TRPM3: variants seen among roughly 807,000 people sequenced by gnomAD.
TRPM3 encodes the protein long transient receptor potential channel 3.
A neutral mutation model predicts 181.2 loss-of-function variants in TRPM3; 77 were observed. The observed-to-expected ratio is 0.42, with a 90% CI of 0.35 to 0.51. The LOEUF (loss-of-function observed/expected upper bound fraction) is 0.51. Ranked by LOEUF, TRPM3 falls within the 20% of genes least tolerant of loss-of-function variation. The probability of loss-of-function intolerance (pLI) is 0.01; values close to 1 mark genes in which losing one functional copy is unlikely to be tolerated. For missense variants in TRPM3, 1,759 were observed against 2,196.7 expected (o/e 0.80, Z 3.98); for synonymous variants, 745 against 796.4 (o/e 0.94, Z 1.09).
chr9:70,979,370 A>T (rs1017575804), intron 1 of TRPM3, among the ~76,000 whole-genome samples: 2 of 152,224 alleles, frequency 1.3e-5, no homozygotes, highest in African/African-American at 4.8e-5. Flanking sequence ...GGTGAATATA[A>T]TGCATTGTTA....
chr9:71,030,559 G>C (rs1436877651), intron 1 of TRPM3, among the ~76,000 whole-genome samples: 1 of 149,412 alleles, frequency 6.7e-6, no homozygotes, highest in Non-Finnish European at 1.5e-5. Context: ...AGTGAGAAGT[G>C]AGACCCCGTT....
intron 1 of TRPM3, among the ~76,000 whole-genome samples, chr9:71,270,275 G>T (rs2083693079): frequency 6.6e-6 from 1 of 152,136 alleles, no homozygotes; most frequent in African/African-American, 2.4e-5. Context: ...GCTTGAACCT[G>T]GGAGGCAGAG....
chr9:70,961,650 C>T (rs1288650388), intron 1 of TRPM3, among the ~76,000 whole-genome samples: 1 of 152,122 alleles, frequency 6.6e-6, no homozygotes, highest in Non-Finnish European at 1.5e-5. Flanking sequence ...TTACTTTAAG[C>T]TAAATTTAAT....
At chr9:71,066,244 C>T (rs951746535) in intron 1 of TRPM3, among the ~76,000 whole-genome samples, 8 of 152,024 alleles carry the variant, frequency 5.3e-5, no homozygotes, top group African/African-American at 9.7e-5. Flanking sequence ...ACAATAATAC[C>T]TAAACAAGAT....
intron 6 of TRPM3, among the ~76,000 whole-genome samples, chr9:70,819,620 T>C (rs949662831): frequency 6.6e-6 from 1 of 152,164 alleles, no homozygotes; most frequent in Non-Finnish European, 1.5e-5. Context: ...GTTATGGAAA[T>C]CAAAACCTAC....
chr9:70,574,075 GAC>G (rs1175629525), intron 22 of TRPM3, among the ~76,000 whole-genome samples: 14 of 127,246 alleles, frequency 1.1e-4, no homozygotes, highest in East Asian at 2.2e-4. Flanking sequence ...ATTCATGTCA[GAC>G]ACACACACGC....
Position 71,089,918 on chromosome 9 carries a change from C to T in TRPM3, c.177+31260G>A, listed in dbSNP as rs147820127. ...CTGGAAAAGAAGAATTGTCTTGGGC[C>T]ATGCATAAAATACACTAACACTTAA... On this transcript the variant is annotated intron_variant, in intron 1 of 25. Transcript: ENST00000677713. Among the ~76,000 whole-genome samples the T allele has an allele frequency of 5.3e-5, 8 of 152,176 alleles. No individual in the cohort carries two copies. The East Asian group carries it at 1.6e-3, about 29-fold the overall frequency.
rs1439475509 is a variant in TRPM3, at chr9:71,227,843, A to T, written c.183+218810T>A. On this transcript the variant is annotated intron_variant, in intron 1 of 24. Transcript: ENST00000357533. ...AAGTAACAAGACCAAGGCCATAATA[A>T]AAAATTTCCCAACAAAGTAAAGCCT... Among the ~76,000 whole-genome samples the T allele has an allele frequency of 2.6e-5, 4 of 152,194 alleles. No individual in the cohort carries two copies. In the East Asian group the frequency reaches 5.8e-4, roughly 22 times the overall value.
At chr9:71,230,703 G>A (rs1357832702) in intron 1 of TRPM3, among the ~76,000 whole-genome samples, 1 of 152,134 alleles carries the variant, frequency 6.6e-6, no homozygotes, top group African/African-American at 2.4e-5. Context: ...ACTTGATTTA[G>A]GTTGCTCATG....
intron 7 of TRPM3, among the ~76,000 whole-genome samples, chr9:70,763,851 G>A (rs958317651): frequency 1.3e-5 from 2 of 152,134 alleles, no homozygotes; most frequent in Non-Finnish European, 2.9e-5. Context: ...CTAATCTAAG[G>A]GGTTCAGGGA....
intron 1 of TRPM3, among the ~76,000 whole-genome samples, chr9:71,089,175 ATTT>A: frequency 6.8e-6 from 1 of 147,836 alleles, no homozygotes. Context: ...ATGAATATAT[ATTT>A]TTATGATACG....
chr9:70,958,484 G>A (rs2097102550), intron 1 of TRPM3, among the ~76,000 whole-genome samples: 2 of 152,080 alleles, frequency 1.3e-5, no homozygotes, highest in African/African-American at 4.8e-5. Flanking sequence ...TAACTGGTGT[G>A]AGATGGTATC....
chr9:70,557,523 T>C (rs1235608621), intron 22 of TRPM3, among the ~76,000 whole-genome samples: 2 of 152,226 alleles, frequency 1.3e-5, no homozygotes, highest in Non-Finnish European at 2.9e-5. Context: ...TACAGATGTC[T>C]ACCACTGATG....
intron 22 of TRPM3, among the ~76,000 whole-genome samples, chr9:70,560,540 G>T (rs1477304759): frequency 6.6e-6 from 1 of 152,180 alleles, no homozygotes; most frequent in Non-Finnish European, 1.5e-5. Context: ...AAGTAGGGAG[G>T]CTCAGAACAC....
intron 1 of TRPM3, among the ~76,000 whole-genome samples, chr9:71,032,191 A>T (rs1199783564): frequency 8.3e-6 from 1 of 120,368 alleles, no homozygotes; most frequent in Non-Finnish European, 1.7e-5. Flanking sequence ...TATATTATAT[A>T]ATATAATATA....
At chr9:70,618,396 C>G (rs1372680365) in intron 17 of TRPM3, among the ~76,000 whole-genome samples, 3 of 152,202 alleles carry the variant, frequency 2.0e-5, no homozygotes, top group Non-Finnish European at 4.4e-5. Flanking sequence ...CAATGGCTTT[C>G]CAAGTAGATC....
chr9:70,803,431 C>T (rs1038815723), intron 6 of TRPM3, among the ~76,000 whole-genome samples: 1 of 150,532 alleles, frequency 6.6e-6, no homozygotes, highest in East Asian at 1.9e-4. Context: ...GCTCCGCCCC[C>T]CACCGCCACC....
chr9:70,891,982 C>T (rs531058675), intron 1 of TRPM3, among the ~76,000 whole-genome samples: 86 of 152,160 alleles, frequency 5.7e-4, no homozygotes, highest in African/African-American at 2.0e-3. Flanking sequence ...TCAAAACTTA[C>T]GGACTACCAA....
intron 1 of TRPM3, among the ~76,000 whole-genome samples, chr9:71,367,836 G>A (rs2092385297): frequency 1.3e-5 from 2 of 152,138 alleles, no homozygotes; most frequent in African/African-American, 2.4e-5. Context: ...GCTAATTTCT[G>A]GACAGGCATA....
Sources: allele counts gnomAD v4.1 joint callset (sites outside exome capture counted in the v4.1 genomes callset), GRCh38; gene constraint gnomAD v4.1.1; transcripts MANE v1.5; gene names NCBI Gene and HGNC (gene_info 2026-07-23, HGNC 2026-07-21).